The following PRG4 variants were observed in gnomAD, a reference collection of about 807,000 sequenced individuals.
PRG4 encodes the protein articular superficial zone protein.
In PRG4, 61 loss-of-function variants were observed where a neutral mutation model predicts 91.2. The ratio of observed to expected loss-of-function variants is 0.67; its 90% CI spans 0.54 to 0.83. The LOEUF (loss-of-function observed/expected upper bound fraction) is 0.83, where lower values mean the gene tolerates loss of function less well. PRG4 is among the 40% of genes least tolerant of loss of function. The pLI, the probability that PRG4 is intolerant of heterozygous loss-of-function variation, is 0.00. For missense variants in PRG4, 1,564 were observed against 1,714.2 expected (o/e 0.91, Z 1.55); for synonymous variants, 576 against 614.2 (o/e 0.94, Z 0.92).
Position 186,314,458 on chromosome 1 carries a change from C to G in PRG4, c.*680C>G. 6.5e-6 allele frequency: 3 copies of G among 461,000 alleles called. No individual in the cohort carries two copies. Among genetic ancestry groups the G allele is most frequent in the Non-Finnish European group, 1.1e-5 (3 of 261,298 alleles). The allele number at this position is 461,000 out of a possible 1,614,324, so 28.6% of individuals were successfully genotyped here. On this transcript the variant is annotated 3_prime_UTR_variant, in exon 13 of 13. Transcript: ENST00000445192. ...TATTATATATCTAAGGTATACAAAT[C>G]TGTCTACATGAAGTTTACAGATTGG...
intron 10 of PRG4, 113 bp from the exon 11 acceptor site, chr1:186,312,062 A>G: frequency 1.2e-6 from 1 of 816,686 alleles, no homozygotes. Context: ...AATATATTAT[A>G]TGAAAAATGA....
Position 186,308,611 on chromosome 1 carries a change from A to C in PRG4, c.2892A>C (p.Thr964=). Residue 964 remains threonine, a synonymous_variant, in exon 7 of 13, where the codon ACA becomes ACC. Transcript: ENST00000445192. ...CAACCACACAAGTAACATCTACCAC[A>C]ACTCAAGATACCACACCATTCAAAA... is the stretch of plus-strand genomic sequence containing the variant. ...TATTTQVTST[T]TQDTTPFKIT... is the part of the protein sequence containing the mutation. 2 of 1,613,522 alleles carry C rather than the reference A, an allele frequency of 1.2e-6. No homozygotes were observed. Among genetic ancestry groups the C allele is most frequent in the South Asian group, 2.2e-5 (2 of 91,046 alleles).
rs139750148 is a variant in PRG4 at position 186,300,137 on chromosome 1, T to C, written c.123T>C (p.Asp41=). ...GATGTGGGGAAGGGTATTCTAGAGA[T>C]GCCACCTGCAACTGTGATTATAACT... ...AGRCGEGYSR[D]ATCNCDYNCQ... is the part of the protein sequence containing the mutation. Residue 41 remains aspartate (D), a synonymous_variant, in exon 3 of 13, where the codon GAT becomes GAC. Transcript: ENST00000445192. 1.9e-6 allele frequency: 3 copies of C among 1,613,906 alleles called. No individual in the cohort carries two copies. Among genetic ancestry groups the C allele is most frequent in the African/African-American group, 1.3e-5 (1 of 75,052 alleles).
chr1:186,304,298 T>C, intron 5 of PRG4, 41 bp downstream of exon 5: 1 of 1,581,110 alleles, frequency 6.3e-7, no homozygotes, highest in African/African-American at 1.3e-5. Context: ...CTTTCTTAGA[T>C]GAAGTAACTT....
Position 186,301,657 on chromosome 1 carries a change from CAATGTAAGAAG to C in PRG4, c.266_276del (p.Gln89LeufsTer2). The C allele has an allele frequency of 6.2e-7, 1 of 1,613,760 alleles. No individual in the cohort carries two copies. The highest frequency in any genetic ancestry group is 8.5e-7 in the Non-Finnish European group (1 of 1,179,776). Reference sequence around the variant, plus strand: ...AGGGAGGGAGTGTGACTGCGACGCCCAATGTAAGAAGTATGACAAGTGCTGTCCCGATTATG... The same window carrying C: ...AGGGAGGGAGTGTGACTGCGACGCCCTATGACAAGTGCTGTCCCGATTATG... On this transcript the variant is annotated frameshift_variant, in exon 4 of 13. Coordinates refer to ENST00000445192, the MANE Select transcript of PRG4 (RefSeq NM_005807.6). LOFTEE classifies it high-confidence loss of function.
chr1:186,298,450 T>A (rs1655990466), intron 2 of PRG4, among the ~76,000 whole-genome samples: 1 of 151,924 alleles, frequency 6.6e-6, no homozygotes, highest in African/African-American at 2.4e-5. Context: ...GACAGACACC[T>A]AATCTATGAA....
chr1:186,313,590 T>C, intron 12 of PRG4, 91 bp from the exon 13 acceptor site: 2 of 788,366 alleles, frequency 2.5e-6, no homozygotes, highest in Non-Finnish European at 4.5e-6. Context: ...ATGATAAACA[T>C]TGTCTTTGAG....
At position 186,308,698 on chromosome 1, in the gene PRG4, T is replaced by C. The variant is rs921636270; in HGVS notation, c.2979T>C (p.Thr993=). The C allele has an allele frequency of 3.7e-6, 6 of 1,612,486 alleles. No homozygotes were observed. Among genetic ancestry groups the C allele is most frequent in the African/African-American group, 1.3e-5 (1 of 74,800 alleles). ...TAACTACAACAAAAAAGACAATTAC[T>C]ACCACTGAGATTATGAACAAACCTG... is the stretch of plus-strand genomic sequence containing the variant. ...PKVTTTKKTI[T]TTEIMNKPEE... The change falls in exon 7 of 13, where the codon ACT becomes ACC. Residue 993 remains threonine (T), a synonymous_variant. Transcript: ENST00000445192.
At position 186,310,664 on chromosome 1, in the gene PRG4, TTTGTA is replaced by T. The variant is rs1189484066; in HGVS notation, c.3500-367_3500-363del. 1.4e-3 allele frequency among the ~76,000 whole-genome samples: 211 copies of T among 149,546 alleles called. 2 individuals carry two copies. Among genetic ancestry groups the T allele is most frequent in the Non-Finnish European group, 2.2e-3 (150 of 67,496 alleles). On this transcript the variant is annotated intron_variant, in intron 8 of 12. Transcript: ENST00000445192. Reference sequence around the variant, plus strand: ...TGCCTGGCTAATTTTTGTATTTTTTTTTGTATTTTTTTTTTTTTGTAGAGACAGGG... The same window carrying T: ...TGCCTGGCTAATTTTTGTATTTTTTTTTTTTTTTTTTTTGTAGAGACAGGG...
In PRG4 at chr1:186,307,335, C is replaced by T; in HGVS notation, c.1616C>T (p.Pro539Leu). The T allele has an allele frequency of 1.9e-6, 3 of 1,604,686 alleles. No individual in the cohort carries two copies. The highest frequency in any genetic ancestry group is 2.2e-5 in the South Asian group (2 of 90,558). ...CCCACCACTACCAAGGAGCCTGCAC[C>T]CACCACTACCAAGTCTGCACCCACC... is the stretch of plus-strand genomic sequence containing the variant. Reference protein sequence around the residue: ...SAPTTTKEPAPTTTKSAPTTP... With the variant: ...SAPTTTKEPALTTTKSAPTTP... Residue 539 changes from proline to leucine, a missense_variant, in exon 7 of 13, where the codon CCC becomes CTC. Physicochemically the swap from Pro to Leu is moderately conservative, Grantham distance 98. Around this residue, in one of 3 missense-constraint regions of PRG4, gnomAD observed 1,079 missense variants for 1,162.2 expected, o/e 0.93. Coordinates refer to ENST00000445192, the MANE Select transcript of PRG4 (RefSeq NM_005807.6).
intron 2 of PRG4, among the ~76,000 whole-genome samples, chr1:186,297,291 G>C (rs1655922143): frequency 6.6e-6 from 1 of 152,002 alleles, no homozygotes; most frequent in African/African-American, 2.4e-5. Context: ...ACAATATTTA[G>C]ATAACATGTA....
intron 10 of PRG4, chr1:186,311,824 T>G (rs1657262230): frequency 3.4e-6 from 2 of 595,158 alleles, no homozygotes; most frequent in East Asian, 5.8e-5. Flanking sequence ...ACTGATAGAA[T>G]GTCATTTACT....
rs1249803054 is a variant in PRG4 at position 186,308,115 on chromosome 1, C to A, written c.2396C>A (p.Pro799His). 2.5e-6 allele frequency: 4 copies of A among 1,610,066 alleles called. No individual in the cohort carries two copies. The highest frequency in any genetic ancestry group is 3.4e-6 in the Non-Finnish European group (4 of 1,178,476). The change falls in exon 7 of 13, where the codon CCC becomes CAC. Residue 799 changes from proline (P) to histidine (H), a missense_variant. By Grantham distance (77) the Pro-to-His change is moderately conservative. Around this residue, in one of 3 missense-constraint regions of PRG4, gnomAD observed 1,079 missense variants for 1,162.2 expected, o/e 0.93. Coordinates refer to ENST00000445192, the MANE Select transcript of PRG4 (RefSeq NM_005807.6). ...PAPTTPKKPA[P>H]KELAPTTTKG... ...CCCACTACTCCCAAGAAGCCTGCCC[C>A]CAAGGAGCTTGCACCCACCACCACC...
Position 186,309,784 on chromosome 1 carries a change from T to G in PRG4, c.3422-9T>G. On this transcript the variant is annotated splice_polypyrimidine_tract_variant and intron_variant, in intron 7 of 12. Transcript: ENST00000445192. ...TCTATATTTGTTTTGTTTTTGTTAA[T>G]TTGTTTAGATGAGACCAATATATGC... The G allele has an allele frequency of 6.2e-7, 1 of 1,604,290 alleles. No individual in the cohort carries two copies. Among genetic ancestry groups the G allele is most frequent in the Middle Eastern group, 1.7e-4 (1 of 6,044 alleles).
chr1:186,314,567 A>C lies in PRG4; in HGVS notation c.*789A>C. 7.6e-7 allele frequency: 1 copy of C among 1,311,906 alleles called. No individual in the cohort carries two copies. The highest frequency in any genetic ancestry group is 2.3e-5 in the Admixed American group (1 of 43,704). The allele number at this position is 1,311,906 out of a possible 1,614,324, so 81.3% of individuals were successfully genotyped here. ...AAATTGGAGGCTTAAGGATTAGAAAACTTGTTCCATTTATTACTATTCCAC... is the reference window on the plus strand; with the variant it reads ...AAATTGGAGGCTTAAGGATTAGAAACCTTGTTCCATTTATTACTATTCCAC... On this transcript the variant is annotated 3_prime_UTR_variant, in exon 13 of 13. Transcript: ENST00000445192.
In PRG4 at chr1:186,307,525, C is replaced by A; in HGVS notation, c.1806C>A (p.Pro602=). The A allele has an allele frequency of 1.3e-6, 2 of 1,573,104 alleles. No individual in the cohort carries two copies. The highest frequency in any genetic ancestry group is 1.7e-6 in the Non-Finnish European group (2 of 1,150,206). Residue 602 remains proline (P), a synonymous_variant, in exon 7 of 13, where the codon CCC becomes CCA. Coordinates refer to ENST00000445192, the MANE Select transcript of PRG4 (RefSeq NM_005807.6). ...CCACCACCACCAAGAAGCCTGCACC[C>A]ACCACTCCCAAAGAGCCTGCCCCAA... ...PAPTTTKKPA[P]TTPKEPAPTT... is the part of the protein sequence containing the mutation.
Position 186,307,880 on chromosome 1 carries a change from G to C in PRG4, c.2161G>C (p.Ala721Pro). Residue 721 changes from alanine to proline, a missense_variant, in exon 7 of 13, where the codon GCA (alanine) becomes CCA (proline). Physicochemically the swap from Ala to Pro is conservative, Grantham distance 27. Coordinates refer to ENST00000445192, the MANE Select transcript of PRG4 (RefSeq NM_005807.6). ...TGCTCCAACTACCCTCAAGGAACCTGCACCCACTACTCCCAAGAAGCCTGC... is the reference window on the plus strand; with the variant it reads ...TGCTCCAACTACCCTCAAGGAACCTCCACCCACTACTCCCAAGAAGCCTGC... ...GTAPTTLKEP[A>P]PTTPKKPAPK... 1 of 1,579,606 alleles carries C rather than the reference G, an allele frequency of 6.3e-7. No homozygotes were observed. Among genetic ancestry groups the C allele is most frequent in the Admixed American group, 1.7e-5 (1 of 57,760 alleles).
rs1012701520 is a variant in PRG4 at position 186,301,778 on chromosome 1, C to T, written c.319+67C>T. The stretch of plus-strand genomic sequence containing the variant: ...GATCTGTGCACCTACCTTAGCATCA[C>T]TGATAATGTCTAACACGCAGTCCAT... On this transcript the variant is annotated intron_variant, in intron 4 of 12. Coordinates refer to ENST00000445192, the MANE Select transcript of PRG4 (RefSeq NM_005807.6). 25 of 1,537,814 alleles carry T rather than the reference C, an allele frequency of 1.6e-5. No individual in the cohort carries two copies. In the African/African-American group the frequency reaches 3.1e-4, roughly 19 times the overall value.
Position 186,311,458 on chromosome 1 carries a change from T to C in PRG4, c.3655T>C (p.Phe1219Leu). 6.2e-7 allele frequency: 1 copy of C among 1,613,632 alleles called. No homozygotes were observed. The highest frequency in any genetic ancestry group is 8.5e-7 in the Non-Finnish European group (1 of 1,179,602). The change falls in exon 10 of 13, where the codon TTT (phenylalanine) becomes CTT (leucine). Residue 1219 changes from phenylalanine (F) to leucine (L), a missense_variant. Around this residue, in one of 3 missense-constraint regions of PRG4, gnomAD observed 1,079 missense variants for 1,162.2 expected, o/e 0.93. Coordinates refer to ENST00000445192, the MANE Select transcript of PRG4 (RefSeq NM_005807.6). ...TTATCAGGATTCTCAGTACTGGCGT[T>C]TTACCAATGATATAAAAGATGCAGG... Reference protein sequence around the residue: ...FFFKDSQYWRFTNDIKDAGYP... With the variant: ...FFFKDSQYWRLTNDIKDAGYP...
Sources: allele counts gnomAD v4.1 joint callset (sites outside exome capture counted in the v4.1 genomes callset), GRCh38; gene constraint gnomAD v4.1.1; regional missense constraint gnomAD v4.1.1; transcripts MANE v1.5; gene names NCBI Gene and HGNC (gene_info 2026-07-23, HGNC 2026-07-21).